Variants in RABGAP1 observed in about 807,000 individuals in gnomAD.
RABGAP1 encodes the protein rab GTPase-activating protein 1.
A neutral mutation model predicts 137.6 loss-of-function variants in RABGAP1; 23 were observed. The observed-to-expected ratio is 0.17, with a 90% confidence interval of 0.12 to 0.24. The LOEUF is 0.24. Ranked by LOEUF, RABGAP1 falls within the 10% of genes least tolerant of loss-of-function variation. The probability of loss-of-function intolerance (pLI) is 1.00; values close to 1 mark genes in which losing one functional copy is unlikely to be tolerated. For missense variants in RABGAP1, 906 were observed against 1,275.8 expected (o/e 0.71, Z 4.42); for synonymous variants, 451 against 450.7 (o/e 1.00, Z -0.01).
At chr9:122,946,001 A>T (rs945465781) in intron 1 of RABGAP1, 1 of 152,198 alleles carries the variant, frequency 6.6e-6, no homozygotes, top group Non-Finnish European at 1.5e-5. Flanking sequence ...AGACTACTAA[A>T]GTGCAGTAGT....
chr9:123,005,568 A>G (rs1000766271), intron 10 of RABGAP1, among the ~76,000 whole-genome samples: 1 of 152,178 alleles, frequency 6.6e-6, no homozygotes, highest in Admixed American at 6.5e-5. Context: ...GGATCATTCC[A>G]CATCAGTGCA....
intron 6 of RABGAP1, chr9:122,990,791 AAAAAAATATATATATATATATATAT>A (rs1485290352): frequency 3.1e-4 from 16 of 51,454 alleles, no homozygotes; most frequent in African/African-American, 1.1e-3. Flanking sequence ...AAAAAAAAAA[AAAAAAATATATATATATATATATAT>A]ATATATATAT....
intron 13 of RABGAP1, among the ~76,000 whole-genome samples, chr9:123,040,714 GAGCCGCTCATCTT>G (rs2032911909): frequency 6.6e-6 from 1 of 151,914 alleles, no homozygotes; most frequent in East Asian, 1.9e-4. Context: ...TAGTTTGAGG[GAGCCGCTCATCTT>G]AGTTTTCATG....
In RABGAP1 at chr9:122,996,235, A is replaced by C. The variant is rs192803325; in HGVS notation, c.1034+84A>C. The C allele has an allele frequency of 4.5e-4, 660 of 1,471,702 alleles. 1 individual carries two copies. The African/African-American group carries it at 8.6e-3, about 19-fold the overall frequency. 91.2% of individuals were successfully genotyped at this position (1,471,702 alleles called of 1,614,324 possible). On this transcript the variant is annotated intron_variant, in intron 7 of 25. Transcript: ENST00000373647. ...GCATAGTTTTACACTGTATTAAAAA[A>C]TGTATTTCCAAAGAATTTTGTTCCC...
intron 13 of RABGAP1, among the ~76,000 whole-genome samples, chr9:123,065,027 A>G (rs1398905121): frequency 1.3e-5 from 2 of 152,196 alleles, no homozygotes; most frequent in Admixed American, 6.5e-5. Flanking sequence ...GTATTTTCCT[A>G]TAGGAAATCC....
intron 13 of RABGAP1, among the ~76,000 whole-genome samples, chr9:123,043,249 A>G (rs1399170999): frequency 1.3e-5 from 2 of 152,196 alleles, no homozygotes; most frequent in East Asian, 3.9e-4. Context: ...ACACAGGAGG[A>G]TGGTGAAAAC....
At chr9:123,014,832 C>G (rs1364863579) in intron 11 of RABGAP1, among the ~76,000 whole-genome samples, 1 of 151,968 alleles carries the variant, frequency 6.6e-6, no homozygotes, top group African/African-American at 2.4e-5. Context: ...GAAGGGGAAG[C>G]AAACATGTCC....
At chr9:123,071,214 A>G (rs1459817044) in intron 15 of RABGAP1, among the ~76,000 whole-genome samples, 1 of 152,220 alleles carries the variant, frequency 6.6e-6, no homozygotes, top group Non-Finnish European at 1.5e-5. Context: ...TGTCTACTCC[A>G]TAGAATCTAG....
In RABGAP1 at chr9:123,103,326, A is replaced by C. The variant is rs1485541391; in HGVS notation, c.*113A>C. 6.8e-7 allele frequency: 1 copy of C among 1,481,326 alleles called. No individual in the cohort carries two copies. Among genetic ancestry groups the C allele is most frequent in the Non-Finnish European group, 9.1e-7 (1 of 1,099,456 alleles). 91.8% of individuals were successfully genotyped at this position (1,481,326 alleles called of 1,614,324 possible). A position where few individuals can be genotyped will look rare whatever the true frequency, so the allele number is the denominator to read the frequency against. Reference sequence around the variant, plus strand: ...CAGGACCAGAATGTACCTAAGTCAGATCCATAGACGCATGTTGGTAGGTCA... The same window carrying C: ...CAGGACCAGAATGTACCTAAGTCAGCTCCATAGACGCATGTTGGTAGGTCA... On this transcript the variant is annotated 3_prime_UTR_variant, in exon 26 of 26. Transcript: ENST00000373647.
chr9:122,990,237 G>A, intron 6 of RABGAP1, 24 bp downstream of exon 6: 12 of 1,556,360 alleles, frequency 7.7e-6, no homozygotes, highest in Non-Finnish European at 9.7e-6. Context: ...TTTTATTCAT[G>A]TATTAACATG....
intron 13 of RABGAP1, among the ~76,000 whole-genome samples, chr9:123,028,692 G>T (rs903950980): frequency 6.6e-6 from 1 of 152,188 alleles, no homozygotes; most frequent in African/African-American, 2.4e-5. Context: ...CAACAGAAGC[G>T]AATGAAGCAT....
At chr9:122,995,786 C>G (rs1266583706) in intron 6 of RABGAP1, among the ~76,000 whole-genome samples, 1 of 152,084 alleles carries the variant, frequency 6.6e-6, no homozygotes, top group African/African-American at 2.4e-5. Flanking sequence ...TCAGGCTGGT[C>G]TCGAACTCCT....
chr9:123,013,324 G>A (rs749261899), intron 11 of RABGAP1, among the ~76,000 whole-genome samples: 1 of 128,722 alleles, frequency 7.8e-6, no homozygotes, highest in East Asian at 2.0e-4. Flanking sequence ...TTACCTTAGT[G>A]CCCTTGAGCC....
At chr9:123,022,662 C>T (rs1169929131) in intron 13 of RABGAP1, among the ~76,000 whole-genome samples, 1 of 152,100 alleles carries the variant, frequency 6.6e-6, no homozygotes, top group Non-Finnish European at 1.5e-5. Flanking sequence ...GCCTCGACCT[C>T]CCAAAGTGCT....
chr9:122,961,208 C>T (rs1449963), intron 2 of RABGAP1, among the ~76,000 whole-genome samples: 148,786 of 152,282 alleles, frequency 0.98, 72,787 homozygotes, highest in East Asian at 1. Flanking sequence ...GCAAAGATAT[C>T]CACAAAGAGG....
At chr9:123,009,953 G>A (rs1392949819) in intron 10 of RABGAP1, among the ~76,000 whole-genome samples, 1 of 152,134 alleles carries the variant, frequency 6.6e-6, no homozygotes, top group East Asian at 1.9e-4. Context: ...CACTTTTTCT[G>A]TGTAGTTTTA....
intron 2 of RABGAP1, among the ~76,000 whole-genome samples, chr9:122,974,010 C>CAA (rs1438468247): frequency 6.7e-6 from 1 of 149,954 alleles, no homozygotes; most frequent in Non-Finnish European, 1.5e-5. Flanking sequence ...CGTCTCAAAC[C>CAA]AAAAAAAAAA....
At chr9:123,007,758 G>C (rs1026403433) in intron 10 of RABGAP1, among the ~76,000 whole-genome samples, 1 of 150,748 alleles carries the variant, frequency 6.6e-6, no homozygotes, top group African/African-American at 2.4e-5. Flanking sequence ...TCTTTATGAT[G>C]TTGAGTCATC....
chr9:122,963,513 A>G (rs1834966044), intron 2 of RABGAP1, among the ~76,000 whole-genome samples: 1 of 152,146 alleles, frequency 6.6e-6, no homozygotes, highest in East Asian at 1.9e-4. Flanking sequence ...ATTAAACAAC[A>G]TACTCCTAAA....
Sources: gnomAD v4.1 joint callset for allele counts (sites outside exome capture counted in the v4.1 genomes callset) on GRCh38, gnomAD v4.1.1 for gene constraint, MANE v1.5 for transcripts, NCBI Gene and HGNC (gene_info 2026-07-23, HGNC 2026-07-21) for gene names.